The following RC3H1 variants were observed in gnomAD, a reference collection of about 807,000 sequenced individuals.
The protein encoded by RC3H1 is ring finger and CCCH-type domains 1.
RC3H1 carries 50 observed loss-of-function variants against 138.2 expected under a neutral mutation model. The observed-to-expected ratio is 0.36, with a 90% CI of 0.29 to 0.46. The LOEUF (loss-of-function observed/expected upper bound fraction) is 0.46. RC3H1 is among the 20% of genes least tolerant of loss of function. The pLI is 1.00. For missense variants in RC3H1, 1,031 were observed against 1,388.1 expected, an observed-to-expected ratio of 0.74 and a Z score of 4.09; for synonymous variants, 462 against 489.1, an observed-to-expected ratio of 0.94 and a Z score of 0.73.
intron 9 of RC3H1, among the ~76,000 whole-genome samples, chr1:173,966,756 C>T (rs534751545): frequency 6.6e-6 from 1 of 151,794 alleles, no homozygotes; most frequent in South Asian, 2.1e-4. Context: ...TAAATAAAAC[C>T]CCATCAGAGT....
Position 173,951,330 on chromosome 1 carries a change from C to CG in RC3H1, c.2523+655_2523+656insC, listed in dbSNP as rs112824373. 4.0e-3 allele frequency among the ~76,000 whole-genome samples: 604 copies of CG among 151,564 alleles called. 4 individuals carry two copies. Among genetic ancestry groups the CG allele is most frequent in the African/African-American group, 0.013 (523 of 41,326 alleles). ...ACAAGAGTGAAACTCCATCCCCCCC[C>CG]CAAAAAAAGAGATAAGATTTTGATA... On this transcript the variant is annotated intron_variant, in intron 14 of 19. Transcript: ENST00000367696.
At chr1:174,000,205 T>C (rs1021015557) in intron 1 of RC3H1, among the ~76,000 whole-genome samples, 1 of 152,224 alleles carries the variant, frequency 6.6e-6, no homozygotes, top group Non-Finnish European at 1.5e-5. Context: ...TGTTAAGTAA[T>C]AATGTAGAAA....
intron 11 of RC3H1, among the ~76,000 whole-genome samples, chr1:173,963,610 A>G (rs1412478002): frequency 6.6e-6 from 1 of 152,194 alleles, no homozygotes; most frequent in Admixed American, 6.5e-5. Context: ...ATTTACACAC[A>G]CTATAATATT....
intron 1 of RC3H1, among the ~76,000 whole-genome samples, chr1:173,994,810 A>AG (rs1373817466): frequency 3.3e-5 from 5 of 151,782 alleles, no homozygotes; most frequent in East Asian, 1.9e-4. Flanking sequence ...AAAAAAAAAA[A>AG]AAAAGAAAAA....
At chr1:174,003,956 C>T (rs186362464) in intron 1 of RC3H1, among the ~76,000 whole-genome samples, 45 of 151,324 alleles carry the variant, frequency 3.0e-4, no homozygotes, top group African/African-American at 7.0e-4. Context: ...CCACTGCGCC[C>T]GGCAATTCCC....
Position 173,993,135 on chromosome 1 carries a change from C to T in RC3H1, c.-150G>A, listed in dbSNP as rs775287279. 3.5e-5 allele frequency: 21 copies of T among 604,376 alleles called. No homozygotes were observed. Among genetic ancestry groups the T allele is most frequent in the Non-Finnish European group, 5.5e-5 (19 of 345,928 alleles). 37.4% of individuals were successfully genotyped at this position (604,376 alleles called of 1,614,324 possible). ...AGTCAGCACATAGTGTGAAATATAA[C>T]CTGAAAATAAAGAAAAAGGAAAAAA... On this transcript the variant is annotated splice_region_variant and 5_prime_UTR_variant, in exon 2 of 20. Coordinates refer to ENST00000367696, the MANE Select transcript of RC3H1 (RefSeq NM_172071.4).
rs1658588347 is a variant in RC3H1, at chr1:173,936,513, C to CAA, written c.*2207_*2208insTT. 1.5e-5 allele frequency: 1 copy of CAA among 64,978 alleles called. No homozygotes were observed. The highest frequency in any genetic ancestry group is 1.0e-4 in the African/African-American group (1 of 9,596). 4.0% of individuals were successfully genotyped at this position (64,978 alleles called of 1,614,324 possible). On this transcript the variant is annotated 3_prime_UTR_variant, in exon 20 of 20. Transcript: ENST00000367696. ...TGGGCAACAGAAGCAGACTCCCTCTCCAAAAAAAAAAAAAAAAAAAAAAAA... is the reference window on the plus strand; with the variant it reads ...TGGGCAACAGAAGCAGACTCCCTCTCAACAAAAAAAAAAAAAAAAAAAAAAAA...
intron 2 of RC3H1, among the ~76,000 whole-genome samples, chr1:173,986,388 G>A (rs753600177): frequency 6.6e-5 from 10 of 152,156 alleles, no homozygotes; most frequent in Admixed American, 2.6e-4. Flanking sequence ...GTCTCGCTCT[G>A]TCACTCAGGC....
intron 13 of RC3H1, among the ~76,000 whole-genome samples, chr1:173,957,855 A>G (rs1659713510): frequency 6.6e-6 from 1 of 152,126 alleles, no homozygotes; most frequent in East Asian, 1.9e-4. Flanking sequence ...GCTAATGCAC[A>G]CCTGGCTGTT....
chr1:173,942,770 C>T (rs972241761), intron 18 of RC3H1, among the ~76,000 whole-genome samples: 11 of 151,706 alleles, frequency 7.3e-5, no homozygotes, highest in African/African-American at 2.7e-4. Flanking sequence ...GCAGAGCTTG[C>T]AATGAGCCGA....
chr1:173,952,233 G>A, intron 13 of RC3H1, 95 bp from the exon 14 acceptor site: 2 of 801,714 alleles, frequency 2.5e-6, no homozygotes, highest in Non-Finnish European at 3.5e-6. Flanking sequence ...AGAAAGCAGG[G>A]AATTTCTTAG....
intron 1 of RC3H1, among the ~76,000 whole-genome samples, chr1:174,014,829 T>C (rs924863419): frequency 5.3e-5 from 8 of 152,232 alleles, no homozygotes; most frequent in African/African-American, 1.9e-4. Context: ...GTGTATGTTC[T>C]ATTTTTTTTA....
intron 8 of RC3H1, 36 bp downstream of exon 8, chr1:173,972,473 A>G (rs758312371): frequency 7.0e-7 from 1 of 1,434,028 alleles, no homozygotes; most frequent in Admixed American, 1.7e-5. Flanking sequence ...GCATATCCAC[A>G]GTGGGTTAAC....
intron 10 of RC3H1, 40 bp downstream of exon 10, chr1:173,964,799 A>G (rs780559165): frequency 6.5e-7 from 1 of 1,539,476 alleles, no homozygotes; most frequent in South Asian, 1.2e-5. Flanking sequence ...CGACTTTATG[A>G]AGAAGAAATT....
At chr1:174,007,896 G>C (rs2103085003) in intron 1 of RC3H1, among the ~76,000 whole-genome samples, 1 of 152,282 alleles carries the variant, frequency 6.6e-6, no homozygotes, top group Admixed American at 6.5e-5. Flanking sequence ...ATGACTTGTA[G>C]ATTTTGAATG....
chr1:174,014,086 CA>C (rs1383775764), intron 1 of RC3H1, among the ~76,000 whole-genome samples: 1 of 152,134 alleles, frequency 6.6e-6, no homozygotes, highest in Non-Finnish European at 1.5e-5. Flanking sequence ...GTAAGTGGAA[CA>C]TGGGACATTT....
In RC3H1 at chr1:173,972,627, T is replaced by C. The variant is rs780093844; in HGVS notation, c.1103A>G (p.Asp368Gly). The C allele has an allele frequency of 1.3e-6, 2 of 1,590,066 alleles. No individual in the cohort carries two copies. Among genetic ancestry groups the C allele is most frequent in the African/African-American group, 1.3e-5 (1 of 74,494 alleles). The part of the protein sequence containing the change: ...ELLANIDPSP[D>G]APPPTWEQLE... ...CTGTTCCCAAGTAGGAGGAGGAGCA[T>C]CTATACAACCAATGATAATGTTTTA... The change falls in exon 8 of 20, where the codon GAT (aspartate) becomes GGT (glycine). Residue 368 changes from aspartate to glycine, a missense_variant and splice_region_variant. This residue lies in a region of RC3H1 where 142 missense variants were observed against 224.6 expected (regional missense o/e 0.63). Transcript: ENST00000367696.
intron 18 of RC3H1, 122 bp downstream of exon 18, chr1:173,943,320 T>C (rs1658987261): frequency 1.1e-6 from 1 of 882,346 alleles, no homozygotes. Context: ...ATGAGAATTA[T>C]TTTAAATATT....
chr1:173,979,695 G>C (rs892417748), intron 6 of RC3H1, among the ~76,000 whole-genome samples: 1 of 152,128 alleles, frequency 6.6e-6, no homozygotes, highest in Non-Finnish European at 1.5e-5. Context: ...TTTCTCTTCA[G>C]AGGTAGAAAG....
Sources: allele counts gnomAD v4.1 joint callset (sites outside exome capture counted in the v4.1 genomes callset), GRCh38; gene constraint gnomAD v4.1.1; regional missense constraint gnomAD v4.1.1; transcripts MANE v1.5; gene names NCBI Gene and HGNC (gene_info 2026-07-23, HGNC 2026-07-21).